Variants in RANBP2 observed in about 807,000 individuals in gnomAD.
RANBP2 encodes RAN binding protein 2, also known as E3 SUMO-protein ligase RanBP2.
In RANBP2, 57 loss-of-function variants were observed where a neutral mutation model predicts 303.6. The observed-to-expected ratio is 0.19, with a 90% confidence interval of 0.15 to 0.23. The LOEUF (loss-of-function observed/expected upper bound fraction) is 0.23. Among genes scored for constraint, RANBP2 ranks in the 10% least tolerant of loss-of-function variants. The probability of loss-of-function intolerance (pLI) is 1.00; values close to 1 mark genes in which losing one functional copy is unlikely to be tolerated. For missense variants in RANBP2, 3,138 were observed against 3,780.8 expected, an observed-to-expected ratio of 0.83 and a Z score of 4.46; for synonymous variants, 1,167 against 1,301.5, an observed-to-expected ratio of 0.90 and a Z score of 2.23.
the RANBP2 span, among the ~76,000 whole-genome samples, chr2:109,703,154 C>A: frequency 6.6e-6 from 1 of 152,178 alleles, no homozygotes; most frequent in African/African-American, 2.4e-5. Context: ...ACAACATTAG[C>A]ACTAATTAAG....
the RANBP2 span, among the ~76,000 whole-genome samples, chr2:109,643,101 G>A: frequency 6.6e-6 from 1 of 151,868 alleles, no homozygotes; most frequent in South Asian, 2.1e-4. Context: ...AGGATTGCTT[G>A]AGCTCAGGAA....
the RANBP2 span, among the ~76,000 whole-genome samples, chr2:109,088,002 C>T: frequency 1.3e-5 from 2 of 152,174 alleles, no homozygotes; most frequent in African/African-American, 2.4e-5. Flanking sequence ...CGTTGGCTCA[C>T]GCCTGTAATC....
At chr2:109,493,553 C>CATAT in the RANBP2 span, among the ~76,000 whole-genome samples, 1 of 148,770 alleles carries the variant, frequency 6.7e-6, no homozygotes, top group Non-Finnish European at 1.5e-5. Context: ...ACACCATACA[C>CATAT]ATACATACCA....
At chr2:109,432,434 G>A in the RANBP2 span, 1 of 1,581,586 alleles carries the variant, frequency 6.3e-7, no homozygotes, top group Non-Finnish European at 8.6e-7. Context: ...CTCCCCCCAG[G>A]AATGCCGGCC....
chr2:108,765,769 T>A lies in RANBP2; in HGVS notation c.5230T>A (p.Cys1744Ser). The change falls in exon 20 of 29, where the codon TGT becomes AGT. Residue 1744 changes from cysteine (C) to serine (S), a missense_variant. Around this residue, in one of 20 missense-constraint regions of RANBP2, gnomAD observed 348 missense variants for 360.4 expected, o/e 0.97. Coordinates refer to ENST00000283195, the MANE Select transcript of RANBP2 (RefSeq NM_006267.5). ...AAGAAATGAAGCCAGTGCTACCAAA[T>A]GTATTGCTTGTCAGTGTCCAAGTAA... ...LVRNEASATK[C>S]IACQCPSKQN... is the part of the protein sequence containing the mutation. The A allele has an allele frequency of 6.2e-7, 1 of 1,614,016 alleles. No homozygotes were observed. Among genetic ancestry groups the A allele is most frequent in the East Asian group, 2.2e-5 (1 of 44,862 alleles).
chr2:109,091,760 C>T, the RANBP2 span, among the ~76,000 whole-genome samples: 1 of 152,138 alleles, frequency 6.6e-6, no homozygotes, highest in Non-Finnish European at 1.5e-5. Context: ...ACTGCTGACC[C>T]AATGTGCATG....
chr2:109,247,495 C>A, the RANBP2 span, among the ~76,000 whole-genome samples: 5 of 152,220 alleles, frequency 3.3e-5, no homozygotes, highest in Non-Finnish European at 5.9e-5. Context: ...AACCATTATT[C>A]TTCCCACCTT....
chr2:109,035,519 G>T, the RANBP2 span, among the ~76,000 whole-genome samples: 1 of 146,056 alleles, frequency 6.8e-6, no homozygotes, highest in South Asian at 2.2e-4. Context: ...ATGAGGCACT[G>T]CAGAAGCCTC....
At chr2:109,463,532 C>T in the RANBP2 span, among the ~76,000 whole-genome samples, 13 of 152,304 alleles carry the variant, frequency 8.5e-5, no homozygotes, top group African/African-American at 2.4e-4. Flanking sequence ...TGGTGAAAGG[C>T]GTGTCCTCTG....
At chr2:108,940,449 C>T in the RANBP2 span, 1 of 152,412 alleles carries the variant, frequency 6.6e-6, no homozygotes. Context: ...CTCCCCACCT[C>T]AGCTGCCCCT....
downstream of RANBP2, chr2:108,786,645 G>A (rs826554): frequency 6.4e-6 from 4 of 626,154 alleles, no homozygotes; most frequent in East Asian, 6.0e-5. Context: ...CGAGAAACTT[G>A]GAGGACGCGC....
At chr2:109,089,640 CAT>C in the RANBP2 span, among the ~76,000 whole-genome samples, 1 of 151,932 alleles carries the variant, frequency 6.6e-6, no homozygotes, top group African/African-American at 2.4e-5. Context: ...CTGGTGGGGA[CAT>C]GTGTTGGAAA....
the RANBP2 span, among the ~76,000 whole-genome samples, chr2:108,958,504 CA>C: frequency 6.6e-6 from 1 of 151,908 alleles, no homozygotes; most frequent in East Asian, 1.9e-4. Context: ...TTTGTTCAGG[CA>C]GGGGGCAGAA....
the RANBP2 span, among the ~76,000 whole-genome samples, chr2:109,729,074 T>C: frequency 6.6e-6 from 1 of 152,182 alleles, no homozygotes; most frequent in Non-Finnish European, 1.5e-5. Context: ...AGCTCTGCCA[T>C]GTGAAGATAG....
the RANBP2 span, among the ~76,000 whole-genome samples, chr2:109,643,055 T>G: frequency 3.0e-4 from 46 of 151,932 alleles, no homozygotes; most frequent in South Asian, 3.5e-3. Context: ...ATGGCTCACA[T>G]CTATAAGTCC....
the RANBP2 span, among the ~76,000 whole-genome samples, chr2:109,241,067 A>T: frequency 3.9e-5 from 6 of 152,354 alleles, no homozygotes; most frequent in African/African-American, 1.4e-4. Context: ...ATATGTTTAA[A>T]ATAAGTGGCC....
At chr2:109,283,465 G>T in the RANBP2 span, among the ~76,000 whole-genome samples, 1 of 152,192 alleles carries the variant, frequency 6.6e-6, no homozygotes, top group African/African-American at 2.4e-5. Flanking sequence ...ACTCAGAAAT[G>T]CTGGTGACCA....
At chr2:109,309,282 G>A in the RANBP2 span, among the ~76,000 whole-genome samples, 266 of 149,144 alleles carry the variant, frequency 1.8e-3, no homozygotes, top group African/African-American at 6.1e-3. Context: ...TTTGTATCCT[G>A]AGACTTTGCT....
At chr2:109,105,084 C>T in the RANBP2 span, among the ~76,000 whole-genome samples, 3 of 152,168 alleles carry the variant, frequency 2.0e-5, no homozygotes, top group Non-Finnish European at 4.4e-5. Context: ...GTTAAACTGT[C>T]TCTCTAAAAC....
Sources: gnomAD v4.1 joint callset for allele counts (sites outside exome capture counted in the v4.1 genomes callset) on GRCh38, gnomAD v4.1.1 for gene constraint, gnomAD v4.1.1 regional missense constraint, MANE v1.5 for transcripts, NCBI Gene and HGNC (gene_info 2026-07-23, HGNC 2026-07-21) for gene names.